Variants in FMNL1 observed in about 807,000 individuals in gnomAD.
FMNL1 encodes the protein formin-like protein 1.
Under a neutral mutation model 121.3 loss-of-function variants are expected in FMNL1, and 43 were observed. The observed-to-expected ratio is 0.35, with a 90% CI of 0.28 to 0.46. FMNL1 has a LOEUF of 0.46. Among genes scored for constraint, FMNL1 ranks in the 20% least tolerant of loss-of-function variants. The pLI is 1.00. For synonymous variants in FMNL1, 613 were observed against 613.5 expected (o/e 1.00, Z 0.01); for missense variants, 1,191 against 1,482.4 (o/e 0.80, Z 3.23).
In FMNL1 at chr17:45,245,987, C is replaced by A; in HGVS notation, c.3090+14C>A. 1.3e-6 allele frequency: 2 copies of A among 1,542,352 alleles called. No homozygotes were observed. The highest frequency in any genetic ancestry group is 1.3e-5 in the South Asian group (1 of 79,214). ...CCAGCACCCAAGGTAGGCAACTGCT[C>A]CTGGGCTTGGTACTGGGCTGCAGGG... is the stretch of plus-strand genomic sequence containing the variant. On this transcript the variant is annotated intron_variant, in intron 24 of 26. Coordinates refer to ENST00000331495, the MANE Select transcript of FMNL1 (RefSeq NM_005892.4).
intron 7 of FMNL1, chr17:45,236,488 C>A (rs112328895): frequency 7.1e-6 from 3 of 420,604 alleles, no homozygotes; most frequent in African/African-American, 2.1e-5. Context: ...GAAGGAGCCT[C>A]ACATAGGGAC....
intron 23 of FMNL1, 36 bp from the exon 24 acceptor site, chr17:45,245,842 G>C (rs371246730): frequency 2.7e-5 from 43 of 1,600,028 alleles, no homozygotes; most frequent in Middle Eastern, 3.4e-4. Flanking sequence ...GGGCAGTAGG[G>C]AGGGCCACCC....
rs767904348 is a variant in FMNL1 at position 45,238,960 on chromosome 17, C to T, written c.975C>T (p.Ala325=). 6.2e-7 allele frequency: 1 copy of T among 1,614,124 alleles called. No individual in the cohort carries two copies. The highest frequency in any genetic ancestry group is 1.1e-5 in the South Asian group (1 of 91,076). ...NEDSNIDFMV[A]CMQFINIVVH... is the part of the protein sequence containing the mutation. ...CCCATGTCCCTGGCTCCCAGGTGGC[C>T]TGCATGCAGTTCATCAACATTGTGG... is the stretch of plus-strand genomic sequence containing the variant. Residue 325 remains alanine, a synonymous_variant, in exon 11 of 27, where the codon GCC becomes GCT. Coordinates refer to ENST00000331495, the MANE Select transcript of FMNL1 (RefSeq NM_005892.4).
Position 45,241,634 on chromosome 17 carries a change from G to T in FMNL1, c.1585G>T (p.Asp529Tyr). Residue 529 changes from aspartate (D) to tyrosine (Y), a missense_variant and splice_region_variant, in exon 14 of 27, where the codon GAT (aspartate) becomes TAT (tyrosine). This residue lies in a region of FMNL1 where 519 missense variants were observed against 492.8 expected (regional missense o/e 1.05). Transcript: ENST00000331495. This position sits in a 1 kb window ranked among gnomAD's most constrained non-coding sequence, Gnocchi z 7.0. ...PGVPTGSPSP[D>Y]LAPAAEPAPG... ...GGTGCCGACCGGCTCCCCCAGCCCAGGTGCGCAGGAGCTTCAGGCTGGCGG... is the reference window on the plus strand; with the variant it reads ...GGTGCCGACCGGCTCCCCCAGCCCATGTGCGCAGGAGCTTCAGGCTGGCGG... The T allele has an allele frequency of 4.7e-6, 7 of 1,501,846 alleles. No homozygotes were observed. The highest frequency in any genetic ancestry group is 6.2e-6 in the Non-Finnish European group (7 of 1,125,122). 93.0% of individuals were successfully genotyped at this position (1,501,846 alleles called of 1,614,324 possible).
rs776749286 is a variant in FMNL1, at chr17:45,234,311, G to C, written c.614+111G>C. The C allele has an allele frequency of 3.8e-6, 6 of 1,563,698 alleles. No homozygotes were observed. In the South Asian group the frequency reaches 5.6e-5, roughly 15 times the overall value. On this transcript the variant is annotated intron_variant, in intron 6 of 26. Transcript: ENST00000331495. ...TGGGGTTGGCGAGAGGGGTAGCCAT[G>C]CATTAGGGGTCCGAGTAAGGGACTC... is the stretch of plus-strand genomic sequence containing the variant.
intron 24 of FMNL1, 59 bp downstream of exon 24, chr17:45,246,032 C>T (rs1598215202): frequency 2.0e-6 from 3 of 1,515,248 alleles, no homozygotes; most frequent in Non-Finnish European, 8.8e-7. Context: ...ATCTCATCAC[C>T]CTCTGGTGCC....
At position 45,242,063 on chromosome 17, in the gene FMNL1, TGCCTCCGCCGCCGCCGCC is replaced by T; in HGVS notation, c.1806_1823del (p.Pro607_Pro612del). The T allele has an allele frequency of 1.4e-6, 2 of 1,414,322 alleles. No individual in the cohort carries two copies. The highest frequency in any genetic ancestry group is 1.8e-6 in the Non-Finnish European group (2 of 1,081,632). The allele number at this position is 1,414,322 out of a possible 1,614,324, so 87.6% of individuals were successfully genotyped here. ...CCACCTCCGGGCACTGACGGGCCGG[TGCCTCCGCCGCCGCCGCC>T]GCCGCCGCCGCCTCCCGGAGGTCCT... is the stretch of plus-strand genomic sequence containing the variant. On this transcript the variant is annotated inframe_deletion, in exon 15 of 27. Transcript: ENST00000331495.
chr17:45,235,028 T>G (rs541604868), intron 6 of FMNL1, among the ~76,000 whole-genome samples: 31 of 152,364 alleles, frequency 2.0e-4, no homozygotes, highest in Non-Finnish European at 3.2e-4. Context: ...CCCTAGAGCA[T>G]CTTGTGAATC....
intron 9 of FMNL1, 172 bp from the exon 10 acceptor site, chr17:45,238,392 A>C (rs1466391140): frequency 4.7e-6 from 3 of 636,568 alleles, no homozygotes; most frequent in Non-Finnish European, 8.2e-6. Context: ...AGAGTGGAAA[A>C]AGTGAGGGAG....
At chr17:45,244,776 T>A (rs1349744221) in intron 19 of FMNL1, 43 bp from the exon 20 acceptor site, 2 of 1,582,522 alleles carry the variant, frequency 1.3e-6, no homozygotes, top group Non-Finnish European at 1.7e-6. Flanking sequence ...AGCGGTGTCC[T>A]CAGCTCTGGC....
In FMNL1 at chr17:45,233,343, G is replaced by T. The variant is rs2043480463; in HGVS notation, c.401+46G>T. On this transcript the variant is annotated intron_variant, in intron 4 of 26. Coordinates refer to ENST00000331495, the MANE Select transcript of FMNL1 (RefSeq NM_005892.4). The surrounding 1 kb of genome is among the most constrained non-coding windows in gnomAD (Gnocchi z 4.1). ...TCCTCTCTGGGCCTAGGAAGGCTCT[G>T]CTTCCAGGCAGCTCCTGGAGCTTCC... 6.5e-7 allele frequency: 1 copy of T among 1,532,990 alleles called. No individual in the cohort carries two copies. The highest frequency in any genetic ancestry group is 8.8e-7 in the Non-Finnish European group (1 of 1,133,856). 95.0% of individuals were successfully genotyped at this position (1,532,990 alleles called of 1,614,324 possible).
chr17:45,241,998 G>A lies in FMNL1; in HGVS notation c.1737G>A (p.Pro579=), dbSNP rs1322259155. 3.9e-6 allele frequency: 5 copies of A among 1,293,718 alleles called. No homozygotes were observed. Among genetic ancestry groups the A allele is most frequent in the South Asian group, 1.9e-5 (1 of 51,806 alleles). 80.1% of individuals were successfully genotyped at this position (1,293,718 alleles called of 1,614,324 possible). ...GCCCGGAGCCCCCGCCTGCGCCGCC[G>A]CTGCCCGGAGACCTGCCGCCCCCAC... The part of the protein sequence containing the change: ...PGSPEPPPAP[P]LPGDLPPPPP... The change falls in exon 15 of 27, where the codon CCG becomes CCA. Residue 579 remains proline (P), a synonymous_variant. Transcript: ENST00000331495. The surrounding 1 kb of genome is among the most constrained non-coding windows in gnomAD (Gnocchi z 7.0).
rs1250263973 is a variant in FMNL1, at chr17:45,226,175, G to A, written c.129+3922G>A. Among the ~76,000 whole-genome samples, 4 of 152,200 alleles carry A rather than the reference G, an allele frequency of 2.6e-5. No individual in the cohort carries two copies. In the East Asian group the frequency reaches 5.8e-4, roughly 22 times the overall value. ...GGTCACCAGCAGTGGGGCCCAGACC[G>A]AAAACTGCCTGGTGGCCGGAAACCG... On this transcript the variant is annotated intron_variant, in intron 1 of 26. Transcript: ENST00000331495.
Position 45,245,633 on chromosome 17 carries a change from A to G in FMNL1, c.2894A>G (p.Glu965Gly), listed in dbSNP as rs774659812. Residue 965 changes from glutamate (E) to glycine (G), a missense_variant and splice_region_variant, in exon 23 of 27, where the codon GAG (glutamate) becomes GGG (glycine). Transcript: ENST00000331495. The stretch of plus-strand genomic sequence containing the variant: ...GGGGCTGACAGGCTGTGCCCACAGG[A>G]GGCCTTTGAGTCTGTGGTGGAGTAC... ...KLLADSKTAQ[E>G]AFESVVEYFG... 3 of 1,613,922 alleles carry G rather than the reference A, an allele frequency of 1.9e-6. No individual in the cohort carries two copies. The highest frequency in any genetic ancestry group is 2.5e-6 in the Non-Finnish European group (3 of 1,179,938).
rs750004915 is a variant in FMNL1, at chr17:45,245,409, C to T, written c.2885C>T (p.Thr962Met). 3.0e-5 allele frequency: 48 copies of T among 1,614,010 alleles called. No individual in the cohort carries two copies. The highest frequency in any genetic ancestry group is 4.0e-5 in the African/African-American group (3 of 74,916). The change falls in exon 22 of 27, where the codon ACG becomes ATG. Residue 962 changes from threonine (T) to methionine (M), a missense_variant. By Grantham distance (81) the Thr-to-Met change is moderately conservative. Transcript: ENST00000331495. ...GACAAGCTGCTGGCAGACAGCAAGA[C>T]GGCTCAGGTGCGCCAGGGCTGGCCT... ...TMDKLLADSKTAQEAFESVVE... is the reference protein window; with the variant it reads ...TMDKLLADSKMAQEAFESVVE...
At chr17:45,236,491 A>C in intron 7 of FMNL1, 4 of 409,760 alleles carry the variant, frequency 9.8e-6, no homozygotes, top group Non-Finnish European at 1.3e-5. Flanking sequence ...GGAGCCTCAC[A>C]TAGGGACTGG....
Position 45,241,104 on chromosome 17 carries a change from G to C in FMNL1, c.1231-25G>C. 6.2e-7 allele frequency: 1 copy of C among 1,613,286 alleles called. No homozygotes were observed. The highest frequency in any genetic ancestry group is 8.5e-7 in the Non-Finnish European group (1 of 1,179,770). On this transcript the variant is annotated intron_variant, in intron 12 of 26. Transcript: ENST00000331495. The surrounding 1 kb of genome is among the most constrained non-coding windows in gnomAD (Gnocchi z 7.0). ...GTGCCAGTGCCGGGCTGCGGGTCGG[G>C]GCTCACCATGTGCTGGTGCTACAGC...
intron 16 of FMNL1, 95 bp downstream of exon 16, chr17:45,242,560 G>A (rs1372662727): frequency 2.0e-6 from 3 of 1,507,300 alleles, no homozygotes; most frequent in Non-Finnish European, 2.7e-6. Flanking sequence ...TTTTCTCCAA[G>A]CCATTTCACA....
At chr17:45,230,975 C>T (rs2043425071) in intron 2 of FMNL1, among the ~76,000 whole-genome samples, 1 of 152,234 alleles carries the variant, frequency 6.6e-6, no homozygotes, top group Non-Finnish European at 1.5e-5. Context: ...CGCACTGTCA[C>T]TGTCCTCCTG....
Sources: gnomAD v4.1 joint callset for allele counts (sites outside exome capture counted in the v4.1 genomes callset) on GRCh38, gnomAD v4.1.1 for gene constraint, gnomAD v4.1.1 regional missense constraint, Gnocchi (gnomAD v3.1) non-coding constraint, MANE v1.5 for transcripts, NCBI Gene and HGNC (gene_info 2026-07-23, HGNC 2026-07-21) for gene names.